Variants in BDP1 observed in about 807,000 individuals in gnomAD.
BDP1 encodes transcription factor TFIIIB component B'' homolog.
In BDP1, 169 loss-of-function variants were observed where a neutral mutation model predicts 266.6. That is an observed-to-expected ratio of 0.63 (90% CI 0.56 to 0.72). BDP1 has a LOEUF of 0.72. Ranked by LOEUF, BDP1 falls within the 30% of genes least tolerant of loss-of-function variation. The pLI is 0.00. For synonymous variants in BDP1, 1,090 were observed against 1,022.4 expected (o/e 1.07, Z -1.26); for missense variants, 3,015 against 3,053.8 (o/e 0.99, Z 0.30).
Position 71,464,133 on chromosome 5 carries a change from T to G in BDP1, c.659+16T>G. On this transcript the variant is annotated intron_variant, in intron 4 of 38. Coordinates refer to ENST00000358731, the MANE Select transcript of BDP1 (RefSeq NM_018429.3). ...AGACAAGAGAGTAAGTATTTTATTT[T>G]TGAATATATTCTATTCCTACATTTT... is the stretch of plus-strand genomic sequence containing the variant. 1 of 1,463,730 alleles carries G rather than the reference T, an allele frequency of 6.8e-7. No individual in the cohort carries two copies. The allele number at this position is 1,463,730 out of a possible 1,614,324, so 90.7% of individuals were successfully genotyped here. A position where few individuals can be genotyped will look rare whatever the true frequency, so the allele number is the denominator to read the frequency against.
At chr5:71,499,242 GGC>G (rs568628037) in intron 13 of BDP1, among the ~76,000 whole-genome samples, 1 of 152,164 alleles carries the variant, frequency 6.6e-6, no homozygotes, top group East Asian at 1.9e-4. Flanking sequence ...TGAGATTACA[GGC>G]GCGCGCCTCT....
chr5:71,535,032 A>G (rs1024817276), intron 26 of BDP1, among the ~76,000 whole-genome samples: 7 of 152,158 alleles, frequency 4.6e-5, no homozygotes, highest in African/African-American at 7.2e-5. Flanking sequence ...ATATCCTGCA[A>G]CTTCTTTGGT....
intron 9 of BDP1, among the ~76,000 whole-genome samples, chr5:71,488,618 G>A (rs1356868132): frequency 3.3e-5 from 5 of 151,752 alleles, no homozygotes; most frequent in East Asian, 1.9e-4. Context: ...TAGTAGAGAC[G>A]GGGTTTCACC....
chr5:71,464,697 G>A (rs1410571906), intron 4 of BDP1, among the ~76,000 whole-genome samples: 2 of 148,200 alleles, frequency 1.3e-5, no homozygotes, highest in African/African-American at 4.9e-5. Flanking sequence ...GTGCCACCAC[G>A]GTTGGCTAAA....
Position 71,495,279 on chromosome 5 carries a change from C to T in BDP1, c.1670C>T (p.Thr557Ile), listed in dbSNP as rs1402013538. ...SNQQDATSVA[T>I]ESSESSTSDL... The stretch of plus-strand genomic sequence containing the variant: ...CAACAAGATGCCACATCAGTAGCAA[C>T]TGAGTCTTCAGAATCAAGCACTTCA... Residue 557 changes from threonine (T) to isoleucine (I), a missense_variant, in exon 12 of 39, where the codon ACT becomes ATT. Around this residue, in one of 3 missense-constraint regions of BDP1, gnomAD observed 2,383 missense variants for 2,404.9 expected, o/e 0.99. Coordinates refer to ENST00000358731, the MANE Select transcript of BDP1 (RefSeq NM_018429.3). The T allele has an allele frequency of 1.3e-6, 2 of 1,585,784 alleles. No homozygotes were observed. Among genetic ancestry groups the T allele is most frequent in the East Asian group, 2.3e-5 (1 of 44,246 alleles).
chr5:71,482,721 A>G (rs1031233731), intron 7 of BDP1, among the ~76,000 whole-genome samples: 1 of 152,234 alleles, frequency 6.6e-6, no homozygotes, highest in African/African-American at 2.4e-5. Context: ...AGGACATTTA[A>G]TTTAGTGTTT....
chr5:71,463,334 G>A (rs1274869077), intron 3 of BDP1, among the ~76,000 whole-genome samples: 3 of 152,156 alleles, frequency 2.0e-5, no homozygotes, highest in African/African-American at 7.2e-5. Flanking sequence ...GGTTTAGCAG[G>A]TAGAGGTAGG....
chr5:71,521,291 GTTTTTTT>G (rs1206948176), intron 22 of BDP1, among the ~76,000 whole-genome samples: 5 of 133,546 alleles, frequency 3.7e-5, no homozygotes, highest in African/African-American at 5.5e-5. Context: ...GTTTATATTA[GTTTTTTT>G]TTTTTTTTTT....
At chr5:71,456,776 G>A (rs1295728999) in intron 1 of BDP1, among the ~76,000 whole-genome samples, 1 of 152,160 alleles carries the variant, frequency 6.6e-6, no homozygotes, top group Non-Finnish European at 1.5e-5. Flanking sequence ...CAGAATAGTT[G>A]CCCGCAAAAA....
At chr5:71,557,956 A>G (rs1043980084) in intron 36 of BDP1, among the ~76,000 whole-genome samples, 1 of 152,174 alleles carries the variant, frequency 6.6e-6, no homozygotes, top group Non-Finnish European at 1.5e-5. Context: ...TTTTTATAGG[A>G]ATCTAAAATT....
chr5:71,557,408 G>A (rs1171564461), intron 36 of BDP1, among the ~76,000 whole-genome samples: 5 of 108,490 alleles, frequency 4.6e-5, no homozygotes, highest in African/African-American at 8.2e-5. Flanking sequence ...TTTTTGAGAC[G>A]GTGTCTCGCT....
intron 8 of BDP1, among the ~76,000 whole-genome samples, chr5:71,486,239 A>G (rs1453615260): frequency 1.3e-5 from 2 of 152,168 alleles, no homozygotes; most frequent in African/African-American, 4.8e-5. Context: ...AATTTGTAAT[A>G]AATTATTATT....
chr5:71,511,316 T>C (rs1414836716), intron 17 of BDP1, 165 bp downstream of exon 17: 2 of 669,974 alleles, frequency 3.0e-6, no homozygotes, highest in Non-Finnish European at 4.9e-6. Flanking sequence ...TTGAAGAAAC[T>C]GTATGTTCTT....
rs200323218 is a variant in BDP1, at chr5:71,489,473, C to G, written c.1283C>G (p.Thr428Arg). 1.2e-6 allele frequency: 2 copies of G among 1,613,794 alleles called. No individual in the cohort carries two copies. The highest frequency in any genetic ancestry group is 1.7e-6 in the Non-Finnish European group (2 of 1,179,836). ...TCTATGAGTTCTAGAATTTCAGACA[C>G]GGAAAGATCTCAGAAGGATGCTCAG... is the stretch of plus-strand genomic sequence containing the variant. ...DESMSSRISD[T>R]ERSQKDAQTV... Residue 428 changes from threonine (T) to arginine (R), a missense_variant, in exon 10 of 39, where the codon ACG becomes AGG. Around this residue, in one of 3 missense-constraint regions of BDP1, gnomAD observed 2,383 missense variants for 2,404.9 expected, o/e 0.99. Transcript: ENST00000358731.
At chr5:71,459,367 C>T (rs1192220389) in intron 2 of BDP1, among the ~76,000 whole-genome samples, 1 of 152,142 alleles carries the variant, frequency 6.6e-6, no homozygotes, top group African/African-American at 2.4e-5. Context: ...CAAAAATTAG[C>T]TGGGCCTGGT....
At chr5:71,564,280 G>A (rs930367292) in intron 38 of BDP1, among the ~76,000 whole-genome samples, 3 of 151,932 alleles carry the variant, frequency 2.0e-5, no homozygotes, top group African/African-American at 7.2e-5. Flanking sequence ...TTCTGATAAG[G>A]TATCTTTGAT....
At position 71,542,701 on chromosome 5, in the gene BDP1, C is replaced by CATAT. The variant is rs34551677; in HGVS notation, c.6412+449_6412+452dup. Among the ~76,000 whole-genome samples, 798 of 149,554 alleles carry CATAT rather than the reference C, an allele frequency of 5.3e-3. 4 individuals are homozygous for CATAT. The highest frequency in any genetic ancestry group is 0.02 in the South Asian group (93 of 4,706). Reference sequence around the variant, plus strand: ...CACCCTGTCTCTTATGAATTGAAAACATATATATATATATATTCATGTATA... The same window carrying CATAT: ...CACCCTGTCTCTTATGAATTGAAAACATATATATATATATATATATTCATGTATA... On this transcript the variant is annotated intron_variant, in intron 30 of 38. Coordinates refer to ENST00000358731, the MANE Select transcript of BDP1 (RefSeq NM_018429.3).
intron 25 of BDP1, among the ~76,000 whole-genome samples, chr5:71,529,463 G>A (rs1047653434): frequency 2.0e-5 from 3 of 152,172 alleles, no homozygotes; most frequent in African/African-American, 4.8e-5. Context: ...AGGTTGAGGC[G>A]GAGGATCAGT....
intron 8 of BDP1, 95 bp from the exon 9 acceptor site, chr5:71,486,389 C>T (rs552712611): frequency 9.5e-7 from 1 of 1,054,326 alleles, no homozygotes; most frequent in Non-Finnish European, 1.3e-6. Context: ...TACTGATAAA[C>T]AAACCCATTT....
Sources: allele counts gnomAD v4.1 joint callset (sites outside exome capture counted in the v4.1 genomes callset), GRCh38; gene constraint gnomAD v4.1.1; regional missense constraint gnomAD v4.1.1; transcripts MANE v1.5; gene names NCBI Gene and HGNC (gene_info 2026-07-23, HGNC 2026-07-21).